The following TBC1D30 variants were observed in gnomAD, a reference collection of about 807,000 sequenced individuals.
The protein encoded by TBC1D30 is TBC1 domain family member 30, also known as TBC1 domain family, member 30.
In TBC1D30, 31 loss-of-function variants were observed where a neutral mutation model predicts 63.2. The observed-to-expected ratio is 0.49, with a 90% confidence interval of 0.37 to 0.66. The LOEUF (loss-of-function observed/expected upper bound fraction) is 0.66, where lower values mean the gene tolerates loss of function less well. Among genes scored for constraint, TBC1D30 ranks in the 30% least tolerant of loss-of-function variants. The pLI, the probability that TBC1D30 is intolerant of heterozygous loss-of-function variation, is 0.00. For synonymous variants in TBC1D30, 307 were observed against 361.5 expected, an observed-to-expected ratio of 0.85 and a Z score of 1.71; for missense variants, 810 against 953.6, an observed-to-expected ratio of 0.85 and a Z score of 1.98.
intron 8 of TBC1D30, among the ~76,000 whole-genome samples, chr12:64,851,489 C>A (rs1175726916): frequency 2.6e-5 from 4 of 152,190 alleles, no homozygotes; most frequent in Non-Finnish European, 5.9e-5. Context: ...TCCAGTTTGC[C>A]AGTCTGTGTC....
At chr12:64,848,768 A>G (rs1467966290) in intron 8 of TBC1D30, among the ~76,000 whole-genome samples, 1 of 152,206 alleles carries the variant, frequency 6.6e-6, no homozygotes, top group Non-Finnish European at 1.5e-5. Context: ...AGAATGATTT[A>G]CAATCCTTTG....
At chr12:64,818,476 G>GGCTGGAAT (rs1281776547) in intron 2 of TBC1D30, 20 of 882,818 alleles carry the variant, frequency 2.3e-5, no homozygotes, top group Middle Eastern at 5.7e-4. Context: ...GCTGTTGCCA[G>GGCTGGAAT]GCTGGAATGC....
At chr12:64,839,801 C>T (rs527298801) in intron 7 of TBC1D30, among the ~76,000 whole-genome samples, 8 of 152,054 alleles carry the variant, frequency 5.3e-5, no homozygotes, top group African/African-American at 1.7e-4. Context: ...TTCAGGAGAT[C>T]GAGACCATCC....
At chr12:64,835,660 A>T (rs1216834267) in intron 5 of TBC1D30, among the ~76,000 whole-genome samples, 1 of 152,092 alleles carries the variant, frequency 6.6e-6, no homozygotes, top group African/African-American at 2.4e-5. Flanking sequence ...AGAGGTAGTG[A>T]TTCAATACTA....
At chr12:64,762,021 A>G (rs575060021) in intron 1 of TBC1D30, among the ~76,000 whole-genome samples, 90 of 152,324 alleles carry the variant, frequency 5.9e-4, no homozygotes, top group Middle Eastern at 6.8e-3. Context: ...TAGACATGCT[A>G]TGAAGGAAAA....
At position 64,880,001 on chromosome 12, in the gene TBC1D30, A is replaced by G. The variant is rs189661787; in HGVS notation, c.*4213A>G. The G allele has an allele frequency of 3.9e-5, 6 of 152,336 alleles. No homozygotes were observed. In the East Asian group the frequency reaches 1.2e-3, roughly 29 times the overall value. The allele number at this position is 152,336 out of a possible 1,614,324, so 9.4% of individuals were successfully genotyped here. On this transcript the variant is annotated 3_prime_UTR_variant, in exon 12 of 12. Transcript: ENST00000539867. ...CTGAAAACAATATAAACATCTGGGA[A>G]TAGGGGAGATGTTTGGATGAATTAT...
chr12:64,759,821 TATC>T (rs1012764625), intron 1 of TBC1D30, among the ~76,000 whole-genome samples: 64 of 152,286 alleles, frequency 4.2e-4, no homozygotes, highest in Admixed American at 2.5e-3. Flanking sequence ...TAACAGAAAT[TATC>T]ATCAGCTGGT....
At chr12:64,836,207 A>G (rs1198612988) in intron 5 of TBC1D30, among the ~76,000 whole-genome samples, 3 of 152,168 alleles carry the variant, frequency 2.0e-5, no homozygotes, top group African/African-American at 7.2e-5. Context: ...AGGGTTGCAT[A>G]ATCACAGCTA....
chr12:64,847,046 T>A (rs1876446271), intron 8 of TBC1D30, among the ~76,000 whole-genome samples: 1 of 152,222 alleles, frequency 6.6e-6, no homozygotes, highest in African/African-American at 2.4e-5. Context: ...GATTTTTTAT[T>A]ATGGCTTCAG....
chr12:64,777,415 G>A (rs1166222259), upstream of TBC1D30, among the ~76,000 whole-genome samples: 1 of 152,116 alleles, frequency 6.6e-6, no homozygotes, highest in Non-Finnish European at 1.5e-5. Context: ...CAAAGTCTCA[G>A]GATACAAAAT....
chr12:64,869,398 C>T (rs1380698066), intron 10 of TBC1D30, among the ~76,000 whole-genome samples: 3 of 152,260 alleles, frequency 2.0e-5, no homozygotes, highest in African/African-American at 7.2e-5. Flanking sequence ...TGGCTGGGCT[C>T]ATACTGTTTT....
intron 2 of TBC1D30, among the ~76,000 whole-genome samples, chr12:64,819,375 C>T (rs1873747095): frequency 2.0e-5 from 3 of 146,886 alleles, no homozygotes; most frequent in East Asian, 4.0e-4. Flanking sequence ...AGTCTGTGGA[C>T]TCTGTCTTGG....
At chr12:64,855,296 T>C (rs1877209037) in intron 8 of TBC1D30, among the ~76,000 whole-genome samples, 1 of 152,136 alleles carries the variant, frequency 6.6e-6, no homozygotes, top group South Asian at 2.1e-4. Flanking sequence ...GTAAAACGCC[T>C]TGAGGGAGTC....
At chr12:64,827,535 G>A (rs1874465200) in intron 1 of TBC1D30, among the ~76,000 whole-genome samples, 1 of 152,174 alleles carries the variant, frequency 6.6e-6, no homozygotes, top group African/African-American at 2.4e-5. Context: ...GTCGAATGGA[G>A]GACTGTATGA....
At chr12:64,804,740 G>C (rs1446835121) in intron 2 of TBC1D30, among the ~76,000 whole-genome samples, 2 of 152,054 alleles carry the variant, frequency 1.3e-5, no homozygotes, top group African/African-American at 4.8e-5. Flanking sequence ...GAGGTTTTTG[G>C]GGCAGATCTC....
At chr12:64,855,297 T>G (rs1333908821) in intron 8 of TBC1D30, among the ~76,000 whole-genome samples, 1 of 152,152 alleles carries the variant, frequency 6.6e-6, no homozygotes, top group Non-Finnish European at 1.5e-5. Context: ...TAAAACGCCT[T>G]GAGGGAGTCT....
intron 1 of TBC1D30, among the ~76,000 whole-genome samples, chr12:64,782,951 T>A (rs901612833): frequency 2.0e-5 from 3 of 152,196 alleles, no homozygotes; most frequent in Admixed American, 6.5e-5. Flanking sequence ...ATTGATAACA[T>A]CATTCGCGTG....
chr12:64,825,271 C>G, intron 1 of TBC1D30: 2 of 472,860 alleles, frequency 4.2e-6, no homozygotes, highest in South Asian at 9.0e-5. Flanking sequence ...TGCTTCCACC[C>G]TCTCCCCGCG....
chr12:64,825,958 AGGGT>A (rs1271962429), intron 1 of TBC1D30, among the ~76,000 whole-genome samples: 1 of 152,206 alleles, frequency 6.6e-6, no homozygotes, highest in Non-Finnish European at 1.5e-5. Context: ...AGAGTCCCAA[AGGGT>A]GGGATGCGGC....
Sources: allele counts gnomAD v4.1 joint callset (sites outside exome capture counted in the v4.1 genomes callset), GRCh38; gene constraint gnomAD v4.1.1; transcripts MANE v1.5; gene names NCBI Gene and HGNC (gene_info 2026-07-23, HGNC 2026-07-21).